Variants in CNTN4 observed in about 807,000 individuals in gnomAD.
The protein encoded by CNTN4 is contactin-4.
Under a neutral mutation model 122.5 loss-of-function variants are expected in CNTN4, and 77 were observed. The observed-to-expected ratio is 0.63, with a 90% CI of 0.52 to 0.76. The LOEUF (loss-of-function observed/expected upper bound fraction) is 0.76, where lower values mean the gene tolerates loss of function less well. CNTN4 is among the 30% of genes least tolerant of loss of function. The pLI is 0.00. For missense variants in CNTN4, 1,256 were observed against 1,259.1 expected, an observed-to-expected ratio of 1.00 and a Z score of 0.04; for synonymous variants, 512 against 447.0, an observed-to-expected ratio of 1.15 and a Z score of -1.83.
intron 3 of CNTN4, among the ~76,000 whole-genome samples, chr3:2,400,777 T>C (rs548198255): frequency 6.6e-6 from 1 of 151,552 alleles, no homozygotes; most frequent in South Asian, 2.1e-4. Flanking sequence ...ATCCTTACTT[T>C]AAAGACATTT....
At position 2,210,334 on chromosome 3, in the gene CNTN4, A is replaced by G. The variant is rs115281948; in HGVS notation, c.-145+109695A>G. Among the ~76,000 whole-genome samples the G allele has an allele frequency of 6.1e-3, 930 of 152,326 alleles. 15 individuals are homozygous for G. Among genetic ancestry groups the G allele is most frequent in the African/African-American group, 0.021 (883 of 41,578 alleles). ...AAACTTATTATTATTGTAGGAGAATAGACTTCCCAGGACCCTGAGGAGCTG... is the reference window on the plus strand; with the variant it reads ...AAACTTATTATTATTGTAGGAGAATGGACTTCCCAGGACCCTGAGGAGCTG... On this transcript the variant is annotated intron_variant, in intron 2 of 24. Coordinates refer to ENST00000418658, the MANE Select transcript of CNTN4 (RefSeq NM_175607.3).
rs572681001 is a variant in CNTN4, at chr3:2,394,949, G to A, written c.-89+55716G>A. On this transcript the variant is annotated intron_variant, in intron 3 of 24. Coordinates refer to ENST00000418658, the MANE Select transcript of CNTN4 (RefSeq NM_175607.3). ...TTACAGACCCCCACCACCACACCCA[G>A]CTAACTTTTGTATTTTCGGTAGACA... Among the ~76,000 whole-genome samples, 18 of 152,052 alleles carry A rather than the reference G, an allele frequency of 1.2e-4. No homozygotes were observed. In the East Asian group the frequency reaches 2.7e-3, roughly 23 times the overall value.
intron 4 of CNTN4, among the ~76,000 whole-genome samples, chr3:2,620,480 A>T (rs1013672461): frequency 8.8e-5 from 13 of 148,460 alleles, no homozygotes; most frequent in Non-Finnish European, 1.5e-4. Context: ...AGCCTGGGGA[A>T]CAGAGGGAGA....
intron 13 of CNTN4, chr3:2,927,487 G>A (rs562281074): frequency 1.3e-5 from 4 of 312,888 alleles, no homozygotes; most frequent in Admixed American, 1.2e-4. Context: ...ACATGTTCCT[G>A]CAACTCAGCA....
chr3:2,925,910 GC>G, intron 13 of CNTN4, 131 bp downstream of exon 13: 1 of 774,186 alleles, frequency 1.3e-6, no homozygotes, highest in Non-Finnish European at 2.1e-6. Flanking sequence ...AAGAACAGAA[GC>G]TTTGGAAGGA....
chr3:2,431,312 A>C (rs1356261756), intron 3 of CNTN4, among the ~76,000 whole-genome samples: 1 of 152,188 alleles, frequency 6.6e-6, no homozygotes, highest in Non-Finnish European at 1.5e-5. Context: ...CAATATGCAT[A>C]TTGTGATTAT....
intron 13 of CNTN4, among the ~76,000 whole-genome samples, chr3:2,938,097 G>A (rs1368279801): frequency 1.3e-5 from 2 of 152,176 alleles, no homozygotes; most frequent in Non-Finnish European, 2.9e-5. Context: ...GCTTAACTGT[G>A]AAGAAGTTTG....
At chr3:2,405,436 CAA>C (rs1375536951) in intron 3 of CNTN4, among the ~76,000 whole-genome samples, 2 of 152,052 alleles carry the variant, frequency 1.3e-5, no homozygotes, top group Admixed American at 6.6e-5. Context: ...AGAAAGTCCT[CAA>C]AAAGTAAGAG....
At chr3:2,467,138 T>TC (rs2075532448) in intron 3 of CNTN4, among the ~76,000 whole-genome samples, 1 of 151,134 alleles carries the variant, frequency 6.6e-6, no homozygotes, top group African/African-American at 2.4e-5. Flanking sequence ...TATGGGTTTT[T>TC]TTTTTTTTTT....
intron 3 of CNTN4, among the ~76,000 whole-genome samples, chr3:2,383,048 C>G (rs1319629036): frequency 6.6e-6 from 1 of 150,860 alleles, no homozygotes; most frequent in Non-Finnish European, 1.5e-5. Context: ...GCACTCCAGC[C>G]TGGGTGACAA....
At chr3:2,313,428 G>A (rs1017674288) in intron 2 of CNTN4, among the ~76,000 whole-genome samples, 3 of 152,020 alleles carry the variant, frequency 2.0e-5, no homozygotes, top group South Asian at 2.1e-4. Flanking sequence ...AAAATGCAGT[G>A]TGCTGTCATC....
intron 6 of CNTN4, among the ~76,000 whole-genome samples, chr3:2,785,137 A>ACACG (rs1290540092): frequency 3.6e-4 from 43 of 119,114 alleles, no homozygotes; most frequent in African/African-American, 1.1e-3. Context: ...ACACACACAC[A>ACACG]CATATATATA....
intron 6 of CNTN4, among the ~76,000 whole-genome samples, chr3:2,794,348 T>A (rs766709581): frequency 9.8e-5 from 15 of 152,322 alleles, no homozygotes; most frequent in Non-Finnish European, 2.1e-4. Flanking sequence ...AGTTCACATC[T>A]TAGTTTTCTA....
intron 3 of CNTN4, among the ~76,000 whole-genome samples, chr3:2,465,326 T>C (rs550658447): frequency 2.0e-5 from 3 of 152,144 alleles, no homozygotes; most frequent in Non-Finnish European, 4.4e-5. Flanking sequence ...TTTAAAACTT[T>C]TAAATTTCAG....
intron 3 of CNTN4, among the ~76,000 whole-genome samples, chr3:2,566,356 G>T (rs192023412): frequency 1.3e-5 from 2 of 152,164 alleles, no homozygotes; most frequent in South Asian, 2.1e-4. Context: ...TATTCTAATT[G>T]CCAAAGCTCT....
At position 2,188,840 on chromosome 3, in the gene CNTN4, G is replaced by A. The variant is rs901109646; in HGVS notation, c.-145+88201G>A. On this transcript the variant is annotated intron_variant, in intron 2 of 24. Coordinates refer to ENST00000418658, the MANE Select transcript of CNTN4 (RefSeq NM_175607.3). The stretch of plus-strand genomic sequence containing the variant: ...CATTGAATAAACAAAGGGAGACTCT[G>A]TTGGGGAACAGCTACCACAGACTAA... 3.9e-5 allele frequency among the ~76,000 whole-genome samples: 6 copies of A among 152,154 alleles called. No homozygotes were observed. In the South Asian group the frequency reaches 6.2e-4, roughly 16 times the overall value.
intron 6 of CNTN4, among the ~76,000 whole-genome samples, chr3:2,784,404 A>T (rs932842820): frequency 6.6e-6 from 1 of 152,226 alleles, no homozygotes; most frequent in Non-Finnish European, 1.5e-5. Context: ...TTCGAAACAC[A>T]ATATAGGGAG....
At chr3:2,883,469 A>C (rs951614541) in intron 9 of CNTN4, among the ~76,000 whole-genome samples, 2 of 152,218 alleles carry the variant, frequency 1.3e-5, no homozygotes, top group Non-Finnish European at 2.9e-5. Context: ...ACATGACCAC[A>C]AAGGAAAGGA....
At chr3:2,729,295 T>A (rs977541292) in intron 4 of CNTN4, among the ~76,000 whole-genome samples, 2 of 152,196 alleles carry the variant, frequency 1.3e-5, no homozygotes, top group Non-Finnish European at 2.9e-5. Context: ...CCGGGCGCGG[T>A]GGCTCACGCC....
Sources: gnomAD v4.1 joint callset for allele counts (sites outside exome capture counted in the v4.1 genomes callset) on GRCh38, gnomAD v4.1.1 for gene constraint, MANE v1.5 for transcripts, NCBI Gene and HGNC (gene_info 2026-07-23, HGNC 2026-07-21) for gene names.